ZFYVE26: variants seen among roughly 807,000 people sequenced by gnomAD.
The protein encoded by ZFYVE26 is zinc finger FYVE domain-containing protein 26.
ZFYVE26 carries 181 observed loss-of-function variants against 276.5 expected under a neutral mutation model. The observed-to-expected ratio is 0.65, with a 90% CI of 0.58 to 0.74. The LOEUF is 0.74. Ranked by LOEUF, ZFYVE26 falls within the 30% of genes least tolerant of loss-of-function variation. The probability of loss-of-function intolerance (pLI) is 0.00; values close to 1 mark genes in which losing one functional copy is unlikely to be tolerated. For missense variants in ZFYVE26, 2,821 were observed against 3,097.9 expected (o/e 0.91, Z 2.12); for synonymous variants, 1,129 against 1,203.1 (o/e 0.94, Z 1.27).
downstream of ZFYVE26, among the ~76,000 whole-genome samples, chr14:67,742,613 G>A (rs1225329405): frequency 6.6e-6 from 1 of 152,128 alleles, no homozygotes; most frequent in African/African-American, 2.4e-5. Context: ...AGGGGAGGAG[G>A]TGATAATGAT....
chr14:67,760,919 C>T (rs1335503906), intron 35 of ZFYVE26: 2 of 353,612 alleles, frequency 5.7e-6, no homozygotes, highest in Non-Finnish European at 1.0e-5. Context: ...AGGATTGGCA[C>T]CATGGTTACT....
rs1011165094 is a variant in ZFYVE26 at position 67,762,270 on chromosome 14, T to C, written c.6302A>G (p.His2101Arg). Residue 2101 changes from histidine to arginine, a missense_variant, in exon 34 of 42, where the codon CAT becomes CGT. Physicochemically the swap from His to Arg is conservative, Grantham distance 29 (BLOSUM62 0). Coordinates refer to ENST00000347230, the MANE Select transcript of ZFYVE26 (RefSeq NM_015346.4). ...CACATCCTGCACCAGCCTTGAGCCA[T>C]GATTCAGCTGATTGAGGTCAAATGG... is the stretch of plus-strand genomic sequence containing the variant. ...KPPFDLNQLN[H>R]GSRLVQDVVE... 8 of 1,614,030 alleles carry C rather than the reference T, an allele frequency of 5.0e-6. No individual in the cohort carries two copies. The highest frequency in any genetic ancestry group is 3.3e-5 in the Admixed American group (2 of 59,998).
At chr14:67,774,947 A>G in intron 27 of ZFYVE26, 69 bp downstream of exon 27, 1 of 1,024,498 alleles carries the variant, frequency 9.8e-7, no homozygotes, top group South Asian at 1.5e-5. Flanking sequence ...AAAAAAAAAA[A>G]TTCTGAAGGA....
chr14:67,748,860 G>A (rs887814894), intron 41 of ZFYVE26, among the ~76,000 whole-genome samples: 1 of 152,178 alleles, frequency 6.6e-6, no homozygotes, highest in Admixed American at 6.5e-5. Flanking sequence ...TTACAAATAA[G>A]CTAAGAATTT....
intron 26 of ZFYVE26, among the ~76,000 whole-genome samples, chr14:67,775,382 G>A (rs936354487): frequency 2.6e-5 from 4 of 152,246 alleles, no homozygotes; most frequent in African/African-American, 4.8e-5. Context: ...CCAGAGGGAA[G>A]TGGAAGACGT....
rs369982255 is a variant in ZFYVE26 at position 67,809,405 on chromosome 14, ACT to A, written c.274-118_274-117del. The A allele has an allele frequency of 0.42, 228,016 of 540,034 alleles. 26,406 individuals carry two copies. The highest frequency in any genetic ancestry group is 0.56 in the Admixed American group (15,700 of 28,238). The allele number at this position is 540,034 out of a possible 1,614,324, so 33.5% of individuals were successfully genotyped here. On this transcript the variant is annotated intron_variant, in intron 3 of 41. Transcript: ENST00000347230. ...TTCTGCTATTTCTCTAAGATGAAGCACTCTTTTTTTTTTTTTTTTTTTTTTTT... is the reference window on the plus strand; with the variant it reads ...TTCTGCTATTTCTCTAAGATGAAGCACTTTTTTTTTTTTTTTTTTTTTTTT...
intron 13 of ZFYVE26, among the ~76,000 whole-genome samples, chr14:67,734,905 A>T (rs1182599457): frequency 1.3e-5 from 2 of 152,230 alleles, no homozygotes; most frequent in Non-Finnish European, 2.9e-5. Context: ...CAGCTTGGCC[A>T]GCTCACAGTG....
At chr14:67,735,464 G>C in intron 13 of ZFYVE26, 1 of 583,784 alleles carries the variant, frequency 1.7e-6, no homozygotes, top group Admixed American at 2.9e-5. Flanking sequence ...ACAATGCCGG[G>C]GGATTGGTGG....
intron 12 of ZFYVE26, chr14:67,796,694 G>A (rs936005327): frequency 1.3e-5 from 2 of 152,052 alleles, no homozygotes; most frequent in African/African-American, 4.8e-5. Flanking sequence ...ACTCACGCCT[G>A]TAATTCCAGC....
rs1307376540 is a variant in ZFYVE26 at position 67,762,659 on chromosome 14, G to A, written c.6159+13C>T. 1.9e-6 allele frequency: 3 copies of A among 1,612,678 alleles called. No homozygotes were observed. In the South Asian group the frequency reaches 3.3e-5, roughly 18 times the overall value. Reference sequence around the variant, plus strand: ...TGGGGTGGAAGTAAGCTTTGTCTTTGTCTTTGTCTCACCTCAACGCCCAGT... The same window carrying A: ...TGGGGTGGAAGTAAGCTTTGTCTTTATCTTTGTCTCACCTCAACGCCCAGT... On this transcript the variant is annotated intron_variant, in intron 33 of 41. Transcript: ENST00000347230.
chr14:67,729,788 C>T (rs1327041516), exon 14 of ZFYVE26: 2 of 500,096 alleles, frequency 4.0e-6, no homozygotes, highest in Middle Eastern at 3.2e-4. Context: ...GGTGTGAACT[C>T]TGTCCCTCAA....
chr14:67,788,881 C>G (rs566807374), intron 16 of ZFYVE26, among the ~76,000 whole-genome samples: 4 of 152,278 alleles, frequency 2.6e-5, no homozygotes, highest in Middle Eastern at 6.8e-3. Flanking sequence ...TATACTGATG[C>G]CTTCACATAC....
Position 67,783,491 on chromosome 14 carries a change from G to C in ZFYVE26, c.3661C>G (p.Leu1221Val). 5 of 1,613,738 alleles carry C rather than the reference G, an allele frequency of 3.1e-6. No homozygotes were observed. Among genetic ancestry groups the C allele is most frequent in the Non-Finnish European group, 3.4e-6 (4 of 1,180,016 alleles). Residue 1221 changes from leucine (L) to valine (V), a missense_variant, in exon 21 of 42, where the codon CTA (leucine) becomes GTA (valine). By Grantham distance (32) the Leu-to-Val change is conservative. Transcript: ENST00000347230. ...AALLAQENLS[L>V]SVPQVIVSCC... Reference sequence around the variant, plus strand: ...CTGACGATGACCTGTGGCACACTTAGGCTGAGATTCTCTTGGGCCAGAAGG... The same window carrying C: ...CTGACGATGACCTGTGGCACACTTACGCTGAGATTCTCTTGGGCCAGAAGG...
In ZFYVE26 at chr14:67,754,779, C is replaced by A. The variant is rs138496848; in HGVS notation, c.6986+272G>T. Among the ~76,000 whole-genome samples, 12 of 152,184 alleles carry A rather than the reference C, an allele frequency of 7.9e-5. No homozygotes were observed. In the East Asian group the frequency reaches 2.1e-3, roughly 27 times the overall value. On this transcript the variant is annotated intron_variant, in intron 37 of 41. Coordinates refer to ENST00000347230, the MANE Select transcript of ZFYVE26 (RefSeq NM_015346.4). ...ATAAAGATGGTGACATCAGTAGGGG[C>A]CAGAACGTGCAGGAGCCTTTTGGCC...
chr14:67,814,228 T>C lies in ZFYVE26; in HGVS notation c.195-164A>G, dbSNP rs77544190. Among the ~76,000 whole-genome samples the C allele has an allele frequency of 0.026, 3,997 of 152,224 alleles. 93 individuals carry two copies. Among genetic ancestry groups the C allele is most frequent in the African/African-American group, 0.062 (2,575 of 41,522 alleles). ...ATGTATATGACAGTTCAGTAAAACA[T>C]TGGAACCAGGCCAGGCAAGGTGGCT... On this transcript the variant is annotated intron_variant, in intron 2 of 41. Coordinates refer to ENST00000347230, the MANE Select transcript of ZFYVE26 (RefSeq NM_015346.4).
At chr14:67,775,488 T>C (rs1321044722) in intron 26 of ZFYVE26, among the ~76,000 whole-genome samples, 1 of 152,182 alleles carries the variant, frequency 6.6e-6, no homozygotes. Flanking sequence ...TAGAAGAGGC[T>C]GAGTCAGCTC....
chr14:67,810,939 A>G (rs1027966383), intron 3 of ZFYVE26, among the ~76,000 whole-genome samples: 4 of 152,182 alleles, frequency 2.6e-5, no homozygotes. Context: ...TTAGAGCACA[A>G]GACCTAACTA....
At chr14:67,751,873 A>G (rs995851019) in intron 40 of ZFYVE26, among the ~76,000 whole-genome samples, 1 of 151,950 alleles carries the variant, frequency 6.6e-6, no homozygotes, top group Non-Finnish European at 1.5e-5. Flanking sequence ...AAAAAAAAAA[A>G]GAACAAGAAA....
chr14:67,780,293 C>T lies in ZFYVE26; in HGVS notation c.4622G>A (p.Ser1541Asn). ...AGTTGATGGGTCCTCAACACAACAG[C>T]TCCTCAAGGTCTGCCAGTCACACCA... ...PVWCDWQTLRSCCVEDPSTVM... is the reference protein window; with the variant it reads ...PVWCDWQTLRNCCVEDPSTVM... Residue 1541 changes from serine to asparagine, a missense_variant, in exon 23 of 42, where the codon AGC becomes AAC. Coordinates refer to ENST00000347230, the MANE Select transcript of ZFYVE26 (RefSeq NM_015346.4). 6.2e-7 allele frequency: 1 copy of T among 1,614,014 alleles called. No homozygotes were observed. Among genetic ancestry groups the T allele is most frequent in the Non-Finnish European group, 8.5e-7 (1 of 1,180,000 alleles).
Sources: allele counts gnomAD v4.1 joint callset (sites outside exome capture counted in the v4.1 genomes callset), GRCh38; gene constraint gnomAD v4.1.1; transcripts MANE v1.5; gene names NCBI Gene and HGNC (gene_info 2026-07-23, HGNC 2026-07-21).